Variants in RNF168 observed in about 807,000 individuals in gnomAD.
RNF168 encodes E3 ubiquitin-protein ligase RNF168.
RNF168 carries 34 observed loss-of-function variants against 34.9 expected under a neutral mutation model. That is an observed-to-expected ratio of 0.97 (90% CI 0.74 to 1.30). The LOEUF is 1.30. RNF168 is among the 50% of genes most tolerant of loss of function. The pLI, the probability that RNF168 is intolerant of heterozygous loss-of-function variation, is 0.00. For synonymous variants in RNF168, 264 were observed against 254.7 expected, an observed-to-expected ratio of 1.04 and a Z score of -0.35; for missense variants, 725 against 682.5, an observed-to-expected ratio of 1.06 and a Z score of -0.69.
intron 1 of RNF168, among the ~76,000 whole-genome samples, chr3:196,491,147 T>C (rs781775121): frequency 1.3e-5 from 2 of 151,682 alleles, no homozygotes; most frequent in African/African-American, 2.4e-5. Context: ...ACCCCGTCTA[T>C]ACTAAGAATA....
intron 4 of RNF168, among the ~76,000 whole-genome samples, chr3:196,476,464 T>C (rs974254228): frequency 1.3e-5 from 2 of 151,828 alleles, no homozygotes; most frequent in African/African-American, 2.4e-5. Flanking sequence ...TCACCCAGGC[T>C]GGAGTGCATT....
At chr3:196,475,854 A>ATT (rs11436878) in intron 4 of RNF168, among the ~76,000 whole-genome samples, 7 of 145,662 alleles carry the variant, frequency 4.8e-5, no homozygotes, top group Admixed American at 2.1e-4. Flanking sequence ...CCGGCTAAAT[A>ATT]TTTTTTTTTC....
At position 196,471,802 on chromosome 3, in the gene RNF168, A is replaced by T. The variant is rs368549020; in HGVS notation, c.*17T>A. 4 of 1,495,882 alleles carry T rather than the reference A, an allele frequency of 2.7e-6. No individual in the cohort carries two copies. Among genetic ancestry groups the T allele is most frequent in the Non-Finnish European group, 3.7e-6 (4 of 1,072,728 alleles). 92.7% of individuals were successfully genotyped at this position (1,495,882 alleles called of 1,614,324 possible). ...TTCCAGCTTTACTAGATCACAAAGC[A>T]CTCCCTTTACCAGGCCTTACTTTGT... On this transcript the variant is annotated 3_prime_UTR_variant, in exon 6 of 6. Transcript: ENST00000318037.
intron 1 of RNF168, among the ~76,000 whole-genome samples, chr3:196,491,016 T>C (rs1241866844): frequency 2.0e-5 from 3 of 152,200 alleles, no homozygotes; most frequent in Non-Finnish European, 4.4e-5. Flanking sequence ...ACTATTTTCA[T>C]TTAAAAAATT....
At chr3:196,499,403 C>A (rs2108655499) in intron 1 of RNF168, among the ~76,000 whole-genome samples, 1 of 152,288 alleles carries the variant, frequency 6.6e-6, no homozygotes, top group South Asian at 2.1e-4. Flanking sequence ...GAGTTCTACT[C>A]TTCAGAACTG....
At chr3:196,484,518 G>C (rs1377135845) in intron 3 of RNF168, among the ~76,000 whole-genome samples, 6 of 135,482 alleles carry the variant, frequency 4.4e-5, no homozygotes, top group Admixed American at 8.7e-5. Context: ...GTCTCACTCT[G>C]TCGCCGAGGC....
intron 1 of RNF168, among the ~76,000 whole-genome samples, chr3:196,499,945 C>T (rs974982955): frequency 3.9e-5 from 6 of 152,148 alleles, no homozygotes; most frequent in Non-Finnish European, 1.5e-5. Context: ...AAATAAAAAC[C>T]ACAATGGGAT....
intron 4 of RNF168, among the ~76,000 whole-genome samples, chr3:196,482,084 G>A (rs555623481): frequency 6.6e-6 from 1 of 151,750 alleles, no homozygotes; most frequent in African/African-American, 2.4e-5. Flanking sequence ...TGGGATTACA[G>A]GTACGTGCCA....
Position 196,472,778 on chromosome 3 carries a change from GA to G in RNF168, c.763-7del. ...CTATCACTACTGTCAATGTCCTGTA[GA>G]AAACAGAAAAAGACTGAGTGAACCA... On this transcript the variant is annotated splice_polypyrimidine_tract_variant and splice_region_variant and intron_variant, in intron 5 of 5. Transcript: ENST00000318037. 6.4e-7 allele frequency: 1 copy of G among 1,567,244 alleles called. No individual in the cohort carries two copies. The highest frequency in any genetic ancestry group is 8.8e-7 in the Non-Finnish European group (1 of 1,138,392).
intron 4 of RNF168, among the ~76,000 whole-genome samples, chr3:196,477,848 C>T (rs1732184569): frequency 6.6e-6 from 1 of 152,136 alleles, no homozygotes; most frequent in Non-Finnish European, 1.5e-5. Flanking sequence ...CTTTGGGAGG[C>T]TGAGGTGGGA....
Position 196,471,710 on chromosome 3 carries a change from G to A in RNF168, c.*109C>T. ...CACACAGACCTTCATTAAGGACAAT[G>A]AGTGTGCCTAGAGAGCAGCATGAAT... On this transcript the variant is annotated 3_prime_UTR_variant, in exon 6 of 6. Coordinates refer to ENST00000318037, the MANE Select transcript of RNF168 (RefSeq NM_152617.4). The A allele has an allele frequency of 1.3e-6, 1 of 785,820 alleles. No individual in the cohort carries two copies. 48.7% of individuals were successfully genotyped at this position (785,820 alleles called of 1,614,324 possible).
intron 4 of RNF168, among the ~76,000 whole-genome samples, chr3:196,477,140 A>T (rs1349605642): frequency 6.6e-6 from 1 of 152,238 alleles, no homozygotes; most frequent in Non-Finnish European, 1.5e-5. Context: ...TTATAAAAGA[A>T]CGGGGAATAG....
chr3:196,487,258 C>A, intron 3 of RNF168, 141 bp downstream of exon 3: 1 of 817,638 alleles, frequency 1.2e-6, no homozygotes. Context: ...CACTCAAATC[C>A]AACCAGCCTG....
At chr3:196,473,318 A>G (rs1009122970) in intron 5 of RNF168, among the ~76,000 whole-genome samples, 5 of 152,320 alleles carry the variant, frequency 3.3e-5, no homozygotes, top group African/African-American at 1.2e-4. Context: ...TAAGATATAC[A>G]GTAGCTTTAC....
chr3:196,473,829 C>T (rs1024388566), intron 5 of RNF168, among the ~76,000 whole-genome samples: 1 of 71,284 alleles, frequency 1.4e-5, no homozygotes, highest in South Asian at 4.1e-4. Flanking sequence ...CAAAACAAAA[C>T]AAACAAGCAA....
chr3:196,494,714 C>A (rs1432117328), intron 1 of RNF168, among the ~76,000 whole-genome samples: 1 of 152,126 alleles, frequency 6.6e-6, no homozygotes, highest in Non-Finnish European at 1.5e-5. Flanking sequence ...GCTGGATCAT[C>A]ACCAAGTAGT....
chr3:196,481,441 A>G (rs1442903395), intron 4 of RNF168, among the ~76,000 whole-genome samples: 1 of 148,520 alleles, frequency 6.7e-6, no homozygotes, highest in Non-Finnish European at 1.5e-5. Context: ...ACTGTCTGGA[A>G]AAAAAAAAAA....
chr3:196,492,035 G>C (rs535925436), intron 1 of RNF168, among the ~76,000 whole-genome samples: 13 of 152,308 alleles, frequency 8.5e-5, no homozygotes, highest in Admixed American at 5.2e-4. Flanking sequence ...CGTGGAAGAT[G>C]AGAAAGTTCA....
intron 1 of RNF168, among the ~76,000 whole-genome samples, chr3:196,495,284 AT>A (rs1732713124): frequency 6.6e-6 from 1 of 152,094 alleles, no homozygotes; most frequent in Non-Finnish European, 1.5e-5. Context: ...TTATCTCTTG[AT>A]TTGATATACA....
Sources: allele counts gnomAD v4.1 joint callset (sites outside exome capture counted in the v4.1 genomes callset), GRCh38; gene constraint gnomAD v4.1.1; transcripts MANE v1.5; gene names NCBI Gene and HGNC (gene_info 2026-07-23, HGNC 2026-07-21).